Variants in SH3PXD2A observed in about 807,000 individuals in gnomAD.
The protein encoded by SH3PXD2A is SH3 and PX domain-containing protein 2A.
In SH3PXD2A, 32 loss-of-function variants were observed where a neutral mutation model predicts 115.2. That is an observed-to-expected ratio of 0.28 (90% CI 0.21 to 0.37). SH3PXD2A has a LOEUF of 0.37. SH3PXD2A is among the 10% of genes least tolerant of loss of function. The pLI is 1.00. For synonymous variants in SH3PXD2A, 610 were observed against 629.1 expected, an observed-to-expected ratio of 0.97 and a Z score of 0.45; for missense variants, 1,328 against 1,498.7, an observed-to-expected ratio of 0.89 and a Z score of 1.88.
At chr10:103,850,233 C>G (rs1057338220) in intron 1 of SH3PXD2A, among the ~76,000 whole-genome samples, 1 of 152,158 alleles carries the variant, frequency 6.6e-6, no homozygotes, top group African/African-American at 2.4e-5. Flanking sequence ...CCCTTCTCTT[C>G]CCTTCCCCTC....
intron 4 of SH3PXD2A, among the ~76,000 whole-genome samples, chr10:103,725,130 A>G (rs2038224790): frequency 6.6e-6 from 1 of 152,208 alleles, no homozygotes; most frequent in South Asian, 2.1e-4. Flanking sequence ...GACTCTTTAA[A>G]GCTAAGTTCT....
chr10:103,610,739 C>G (rs61151381), intron 13 of SH3PXD2A, among the ~76,000 whole-genome samples: 26,426 of 152,146 alleles, frequency 0.17, 2,616 homozygotes, highest in Non-Finnish European at 0.22. Flanking sequence ...GCTAGCCCCC[C>G]ACATAAATCA....
chr10:103,832,093 A>T (rs966573595), intron 1 of SH3PXD2A, among the ~76,000 whole-genome samples: 2 of 152,182 alleles, frequency 1.3e-5, no homozygotes, highest in African/African-American at 4.8e-5. Flanking sequence ...GGGACCATGG[A>T]AGCACTCTAG....
chr10:103,805,892 G>A (rs2039197119), intron 1 of SH3PXD2A, among the ~76,000 whole-genome samples: 1 of 152,238 alleles, frequency 6.6e-6, no homozygotes, highest in Non-Finnish European at 1.5e-5. Context: ...TTCACACGAA[G>A]TCATCTCTGT....
At chr10:103,819,891 A>G (rs1278661581) in intron 1 of SH3PXD2A, among the ~76,000 whole-genome samples, 1 of 152,078 alleles carries the variant, frequency 6.6e-6, no homozygotes, top group African/African-American at 2.4e-5. Context: ...ATCTCACCCC[A>G]AAGGCTCTGG....
chr10:103,654,865 C>G (rs936164515), intron 8 of SH3PXD2A, among the ~76,000 whole-genome samples: 1 of 152,010 alleles, frequency 6.6e-6, no homozygotes, highest in Non-Finnish European at 1.5e-5. Context: ...TGAAAAGCAG[C>G]CTTCTCTAAC....
At chr10:103,783,414 C>T (rs1308336231) in intron 2 of SH3PXD2A, among the ~76,000 whole-genome samples, 3 of 150,856 alleles carry the variant, frequency 2.0e-5, no homozygotes, top group Non-Finnish European at 3.0e-5. Context: ...GGGGCAGAGT[C>T]GATGCAGAGG....
chr10:103,847,735 T>G (rs1334466957), intron 1 of SH3PXD2A, among the ~76,000 whole-genome samples: 1 of 152,092 alleles, frequency 6.6e-6, no homozygotes, highest in African/African-American at 2.4e-5. Context: ...GGTCAGGAGT[T>G]CGAGACCAGC....
intron 3 of SH3PXD2A, chr10:103,736,890 G>T: frequency 1.4e-6 from 1 of 724,504 alleles, no homozygotes; most frequent in Non-Finnish European, 2.1e-6. Flanking sequence ...ACACCCCCTA[G>T]CAACAAAGGT....
intron 6 of SH3PXD2A, among the ~76,000 whole-genome samples, chr10:103,684,174 A>T (rs953737637): frequency 2.1e-4 from 32 of 152,178 alleles, no homozygotes; most frequent in African/African-American, 7.7e-4. Context: ...GTGCTTCAGG[A>T]CAGCCCTCCT....
chr10:103,810,875 CAT>C (rs2039260167), intron 1 of SH3PXD2A, among the ~76,000 whole-genome samples: 1 of 128,568 alleles, frequency 7.8e-6, no homozygotes, highest in South Asian at 3.0e-4. Flanking sequence ...GGGACACAGA[CAT>C]ACACAGGGAC....
At chr10:103,827,580 AG>A (rs2039442921) in intron 1 of SH3PXD2A, among the ~76,000 whole-genome samples, 1 of 152,180 alleles carries the variant, frequency 6.6e-6, no homozygotes, top group African/African-American at 2.4e-5. Flanking sequence ...ATGGACACAT[AG>A]GTACATAGCA....
intron 6 of SH3PXD2A, among the ~76,000 whole-genome samples, chr10:103,682,711 C>G (rs56134400): frequency 0.34 from 51,029 of 150,914 alleles, 9,434 homozygotes; most frequent in South Asian, 0.5. Context: ...GAGCCGAGAT[C>G]GTGCCATTGC....
intron 2 of SH3PXD2A, among the ~76,000 whole-genome samples, chr10:103,780,791 G>A (rs569521292): frequency 1.3e-5 from 2 of 152,322 alleles, no homozygotes; most frequent in South Asian, 4.1e-4. Context: ...GCAGGTCCAG[G>A]CAAGGAGAGT....
At chr10:103,766,963 G>C (rs2038761223) in intron 3 of SH3PXD2A, 131 bp downstream of exon 3, 1 of 661,120 alleles carries the variant, frequency 1.5e-6, no homozygotes, top group East Asian at 2.8e-5. Context: ...TCCCCTGGGG[G>C]AATTGTTCAT....
chr10:103,622,648 G>T, intron 9 of SH3PXD2A, 95 bp from the exon 10 acceptor site: 1 of 555,480 alleles, frequency 1.8e-6, no homozygotes, highest in Admixed American at 2.3e-5. Flanking sequence ...GGAGGAAGGG[G>T]CACAGGGAGG....
chr10:103,801,655 TTATTTG>T (rs924696093), intron 1 of SH3PXD2A, among the ~76,000 whole-genome samples: 5 of 152,290 alleles, frequency 3.3e-5, no homozygotes, highest in Non-Finnish European at 7.3e-5. Context: ...TTCCTTCTTT[TTATTTG>T]TATATATTTC....
intron 1 of SH3PXD2A, among the ~76,000 whole-genome samples, chr10:103,827,304 C>T (rs113493433): frequency 2.0e-5 from 3 of 152,276 alleles, no homozygotes; most frequent in Middle Eastern, 3.4e-3. Flanking sequence ...TTCCCTCAGC[C>T]TGGAATGCCC....
intron 6 of SH3PXD2A, among the ~76,000 whole-genome samples, chr10:103,675,116 C>T (rs1419630555): frequency 6.6e-6 from 1 of 152,140 alleles, no homozygotes; most frequent in Non-Finnish European, 1.5e-5. Context: ...ACTGTTATTG[C>T]AGCAGCTCGG....
Sources: gnomAD v4.1 joint callset for allele counts (sites outside exome capture counted in the v4.1 genomes callset) on GRCh38, gnomAD v4.1.1 for gene constraint, MANE v1.5 for transcripts, NCBI Gene and HGNC (gene_info 2026-07-23, HGNC 2026-07-21) for gene names.